Variants in RALGPS1 observed in about 807,000 individuals in gnomAD.
RALGPS1 encodes the protein Ral GEF with PH domain and SH3 binding motif 1, also known as ras-specific guanine nucleotide-releasing factor RalGPS1.
Under a neutral mutation model 78.8 loss-of-function variants are expected in RALGPS1, and 19 were observed. That is an observed-to-expected ratio of 0.24 (90% CI 0.17 to 0.35). RALGPS1 has a LOEUF of 0.35. Among genes scored for constraint, RALGPS1 ranks in the 10% least tolerant of loss-of-function variants. The pLI is 1.00. For missense variants in RALGPS1, 454 were observed against 688.3 expected (o/e 0.66, Z 3.81); for synonymous variants, 228 against 256.3 (o/e 0.89, Z 1.06).
intron 8 of RALGPS1, among the ~76,000 whole-genome samples, chr9:127,098,422 T>C (rs910726949): frequency 3.3e-5 from 5 of 152,096 alleles, no homozygotes; most frequent in African/African-American, 1.2e-4. Context: ...AAGACCACAT[T>C]TACATTCTTG....
intron 1 of RALGPS1, among the ~76,000 whole-genome samples, chr9:126,920,073 G>A (rs2034597586): frequency 6.6e-6 from 1 of 152,130 alleles, no homozygotes; most frequent in African/African-American, 2.4e-5. Flanking sequence ...TTGCATGTGT[G>A]ACTTTTTGCC....
intron 1 of RALGPS1, among the ~76,000 whole-genome samples, chr9:126,945,052 A>G (rs1351215171): frequency 3.3e-5 from 5 of 152,182 alleles, no homozygotes; most frequent in Non-Finnish European, 4.4e-5. Context: ...CTTCCTGTCC[A>G]CAGGAGGCAG....
chr9:127,102,181 G>A (rs747694948), intron 8 of RALGPS1, among the ~76,000 whole-genome samples: 26 of 152,250 alleles, frequency 1.7e-4, no homozygotes, highest in African/African-American at 5.8e-4. Flanking sequence ...TTACAAGACT[G>A]AACATAGTCC....
chr9:127,014,945 T>G (rs1490407672), intron 4 of RALGPS1, among the ~76,000 whole-genome samples: 1 of 152,228 alleles, frequency 6.6e-6, no homozygotes, highest in Non-Finnish European at 1.5e-5. Flanking sequence ...CACAGTCTTC[T>G]CATCCATCAA....
chr9:127,005,789 G>A (rs1235004098), intron 4 of RALGPS1, among the ~76,000 whole-genome samples: 1 of 152,166 alleles, frequency 6.6e-6, no homozygotes, highest in Non-Finnish European at 1.5e-5. Context: ...TGTGAGTGAG[G>A]TAAACCTTTC....
chr9:126,997,651 C>T (rs553177324), intron 4 of RALGPS1, among the ~76,000 whole-genome samples: 5 of 152,198 alleles, frequency 3.3e-5, no homozygotes, highest in South Asian at 2.1e-4. Context: ...ACTTTCTTCA[C>T]GGAATTGGAA....
At chr9:127,160,972 A>G (rs901724662) in intron 8 of RALGPS1, among the ~76,000 whole-genome samples, 3 of 152,336 alleles carry the variant, frequency 2.0e-5, no homozygotes, top group African/African-American at 4.8e-5. Flanking sequence ...GTTTCCCCCA[A>G]CAGGTCTGCA....
rs1444657310 is a variant in RALGPS1, at chr9:127,122,097, T to TG, written c.611-43971dup. ...AGGCTTACTCATGAAGTCCTCGAGA[T>TG]GCCAGCCCATGATCATGTGCCCCCA... On this transcript the variant is annotated intron_variant, in intron 8 of 18. Coordinates refer to ENST00000259351, the MANE Select transcript of RALGPS1 (RefSeq NM_014636.3). The surrounding 1 kb of genome is among the most constrained non-coding windows in gnomAD (Gnocchi z 6.4). Among the ~76,000 whole-genome samples the TG allele has an allele frequency of 2.0e-5, 3 of 152,208 alleles. No homozygotes were observed. Among genetic ancestry groups the TG allele is most frequent in the Non-Finnish European group, 4.4e-5 (3 of 68,022 alleles).
At chr9:127,146,542 CTT>C (rs60707997) in intron 8 of RALGPS1, among the ~76,000 whole-genome samples, 289 of 130,694 alleles carry the variant, frequency 2.2e-3, no homozygotes, top group Middle Eastern at 4.0e-3. Flanking sequence ...GTGCATGTGT[CTT>C]TTTTTTTTTT....
At chr9:127,107,029 A>C (rs1219231938) in intron 8 of RALGPS1, 1 of 152,234 alleles carries the variant, frequency 6.6e-6, no homozygotes, top group Non-Finnish European at 1.5e-5. Flanking sequence ...GCTGAGCTTC[A>C]GGGGACTGGA....
In RALGPS1 at chr9:127,070,939, A is replaced by G. The variant is rs1423385686; in HGVS notation, c.610+1583A>G. On this transcript the variant is annotated intron_variant, in intron 8 of 18. Coordinates refer to ENST00000259351, the MANE Select transcript of RALGPS1 (RefSeq NM_014636.3). ...TTTGTTTTTTAGTAGAAAATTGTCC[A>G]TTTGTTCCAGATTTTCAATATTACT... is the stretch of plus-strand genomic sequence containing the variant. Among the ~76,000 whole-genome samples, 5 of 151,606 alleles carry G rather than the reference A, an allele frequency of 3.3e-5. No homozygotes were observed. In the South Asian group the frequency reaches 8.3e-4, roughly 25 times the overall value.
chr9:127,152,127 T>A (rs2058456312), intron 8 of RALGPS1, among the ~76,000 whole-genome samples: 1 of 152,242 alleles, frequency 6.6e-6, no homozygotes, highest in Non-Finnish European at 1.5e-5. Context: ...TTCTCTCTTA[T>A]CACAGAAACC....
At chr9:127,009,967 G>T (rs548529240) in intron 4 of RALGPS1, among the ~76,000 whole-genome samples, 1 of 152,148 alleles carries the variant, frequency 6.6e-6, no homozygotes, top group Non-Finnish European at 1.5e-5. Context: ...GTGCCCCTGG[G>T]TCTATATTTC....
intron 4 of RALGPS1, among the ~76,000 whole-genome samples, chr9:126,981,000 G>A (rs1246652029): frequency 6.6e-6 from 1 of 152,188 alleles, no homozygotes; most frequent in African/African-American, 2.4e-5. Context: ...TTCTGGGGTT[G>A]TCCTGGAAGA....
intron 8 of RALGPS1, among the ~76,000 whole-genome samples, chr9:127,075,976 T>G (rs1249802420): frequency 6.6e-6 from 1 of 152,232 alleles, no homozygotes; most frequent in Non-Finnish European, 1.5e-5. Context: ...TTGGCTGTAC[T>G]TTGGTGTAGT....
chr9:127,207,483 C>T (rs993858887), intron 14 of RALGPS1, among the ~76,000 whole-genome samples: 19 of 152,196 alleles, frequency 1.2e-4, no homozygotes, highest in African/African-American at 4.6e-4. Flanking sequence ...CTATGAGCCC[C>T]TATGTCAGTT....
chr9:126,961,693 G>A (rs1450000512), intron 1 of RALGPS1, among the ~76,000 whole-genome samples: 1 of 152,198 alleles, frequency 6.6e-6, no homozygotes, highest in East Asian at 1.9e-4. Flanking sequence ...CAACTCGGGA[G>A]ACTGAGGTGG....
intron 8 of RALGPS1, among the ~76,000 whole-genome samples, chr9:127,090,443 G>A (rs565093360): frequency 4.3e-4 from 65 of 152,198 alleles, no homozygotes; most frequent in Non-Finnish European, 7.2e-4. Flanking sequence ...GGGCCCCTTC[G>A]GGCCAGGCCA....
At chr9:127,029,014 C>T (rs2046194589) in intron 4 of RALGPS1, among the ~76,000 whole-genome samples, 1 of 152,036 alleles carries the variant, frequency 6.6e-6, no homozygotes, top group African/African-American at 2.4e-5. Context: ...GTTACTCCTG[C>T]TTGGGCCTCT....
Sources: gnomAD v4.1 joint callset for allele counts (sites outside exome capture counted in the v4.1 genomes callset) on GRCh38, gnomAD v4.1.1 for gene constraint, Gnocchi (gnomAD v3.1) non-coding constraint, MANE v1.5 for transcripts, NCBI Gene and HGNC (gene_info 2026-07-23, HGNC 2026-07-21) for gene names.